Variants in KIAA1549L observed in about 807,000 individuals in gnomAD.
KIAA1549L encodes UPF0606 protein KIAA1549L.
KIAA1549L carries 88 observed loss-of-function variants against 160.7 expected under a neutral mutation model. That is an observed-to-expected ratio of 0.55 (90% CI 0.46 to 0.65). The LOEUF (loss-of-function observed/expected upper bound fraction) is 0.65, where lower values mean the gene tolerates loss of function less well. Ranked by LOEUF, KIAA1549L falls within the 30% of genes least tolerant of loss-of-function variation. The pLI is 0.00. For missense variants in KIAA1549L, 2,258 were observed against 2,437.5 expected (o/e 0.93, Z 1.55); for synonymous variants, 950 against 976.7 (o/e 0.97, Z 0.51).
intron 18 of KIAA1549L, 88 bp from the exon 19 acceptor site, chr11:33,658,662 G>T: frequency 1.5e-6 from 2 of 1,379,210 alleles, no homozygotes; most frequent in Admixed American, 2.0e-5. Context: ...AGCTGTCCAT[G>T]CCCAAAGGTG....
At chr11:33,614,561 TA>T (rs1564924819) in intron 15 of KIAA1549L, among the ~76,000 whole-genome samples, 7 of 16,652 alleles carry the variant, frequency 4.2e-4, no homozygotes, top group African/African-American at 2.3e-3. Context: ...TATATATATA[TA>T]TATATATATA....
intron 13 of KIAA1549L, 101 bp from the exon 14 acceptor site, chr11:33,606,540 G>T: frequency 8.5e-7 from 1 of 1,174,108 alleles, no homozygotes; most frequent in Non-Finnish European, 1.2e-6. Context: ...AGGTTGTTTT[G>T]AGTAAAGTAA....
At chr11:33,627,442 A>G (rs2133367964) in intron 16 of KIAA1549L, among the ~76,000 whole-genome samples, 1 of 151,998 alleles carries the variant, frequency 6.6e-6, no homozygotes, top group South Asian at 2.1e-4. Context: ...AGCTCCTGTT[A>G]TTGGTCTATT....
chr11:33,545,669 A>T (rs1854229439), intron 3 of KIAA1549L, among the ~76,000 whole-genome samples: 1 of 152,210 alleles, frequency 6.6e-6, no homozygotes, highest in South Asian at 2.1e-4. Flanking sequence ...CAAAGTTGAG[A>T]AACCATGAGC....
intron 16 of KIAA1549L, among the ~76,000 whole-genome samples, chr11:33,630,382 G>A (rs1053492975): frequency 6.6e-5 from 10 of 151,770 alleles, no homozygotes; most frequent in South Asian, 2.1e-4. Flanking sequence ...CCCCAGCCTC[G>A]CTGCCACCTT....
At chr11:33,619,102 C>A (rs1850896677) in intron 16 of KIAA1549L, among the ~76,000 whole-genome samples, 1 of 152,164 alleles carries the variant, frequency 6.6e-6, no homozygotes, top group African/African-American at 2.4e-5. Context: ...ATGAGATGTC[C>A]AACAGGGCGG....
At chr11:33,644,233 A>C (rs543807695) in intron 16 of KIAA1549L, among the ~76,000 whole-genome samples, 1 of 152,372 alleles carries the variant, frequency 6.6e-6, no homozygotes, top group African/African-American at 2.4e-5. Context: ...TCTAGGAGAT[A>C]AGATGACAAG....
chr11:33,611,000 ACAC>A (rs1850634608), intron 15 of KIAA1549L, among the ~76,000 whole-genome samples: 2 of 152,232 alleles, frequency 1.3e-5, no homozygotes. Flanking sequence ...CCACCTCCTG[ACAC>A]CACCATGACA....
chr11:33,459,603 A>T (rs971779116), intron 1 of KIAA1549L, among the ~76,000 whole-genome samples: 2 of 152,174 alleles, frequency 1.3e-5, no homozygotes, highest in Non-Finnish European at 2.9e-5. Context: ...ATGGAAAACT[A>T]ATTCTGATTC....
chr11:33,393,383 G>A (rs1278419608), intron 1 of KIAA1549L, among the ~76,000 whole-genome samples: 1 of 152,150 alleles, frequency 6.6e-6, no homozygotes, highest in Admixed American at 6.5e-5. Context: ...CATCCTTGAG[G>A]TCTCCTGGCC....
At chr11:33,441,605 T>C (rs1187394720) in intron 1 of KIAA1549L, among the ~76,000 whole-genome samples, 3 of 152,272 alleles carry the variant, frequency 2.0e-5, no homozygotes, top group South Asian at 2.1e-4. Context: ...TTTTAATGAT[T>C]GCCATTCTAA....
chr11:33,411,378 A>C (rs1424235669), intron 1 of KIAA1549L, among the ~76,000 whole-genome samples: 1 of 152,138 alleles, frequency 6.6e-6, no homozygotes. Flanking sequence ...AGACAACTGA[A>C]GCTGATCCCT....
rs756513750 is a variant in KIAA1549L at position 33,660,886 on chromosome 11, G to A, written c.6031G>A (p.Ala2011Thr). Reference protein sequence around the residue: ...YSGNTVPAVFAIPAANRPGFT... With the variant: ...YSGNTVPAVFTIPAANRPGFT... ...AGGTAATACGGTGCCAGCAGTGTTC[G>A]CCATCCCAGCTGCCAACAGACCTGG... Residue 2011 changes from alanine to threonine, a missense_variant, in exon 20 of 21, where the codon GCC becomes ACC. By Grantham distance (58) the Ala-to-Thr change is moderately conservative. This residue lies in a region of KIAA1549L where 1,359 missense variants were observed against 1,546.6 expected (regional missense o/e 0.88). Transcript: ENST00000658780. 6.6e-5 allele frequency: 106 copies of A among 1,613,540 alleles called. No individual in the cohort carries two copies. Among genetic ancestry groups the A allele is most frequent in the Non-Finnish European group, 8.4e-5 (99 of 1,179,788 alleles).
At chr11:33,530,019 T>G (rs1381218345) in intron 1 of KIAA1549L, among the ~76,000 whole-genome samples, 2 of 152,240 alleles carry the variant, frequency 1.3e-5, no homozygotes, top group East Asian at 3.9e-4. Context: ...ATTTTCTGTA[T>G]CCTCAAAGTC....
intron 16 of KIAA1549L, among the ~76,000 whole-genome samples, chr11:33,644,520 G>T (rs972471761): frequency 6.6e-6 from 1 of 152,238 alleles, no homozygotes; most frequent in Non-Finnish European, 1.5e-5. Flanking sequence ...TGATTATGAT[G>T]ATGACAGCAA....
At chr11:33,377,075 A>G (rs1001757277) in intron 1 of KIAA1549L, among the ~76,000 whole-genome samples, 186 bp downstream of exon 1, 1 of 152,194 alleles carries the variant, frequency 6.6e-6, no homozygotes, top group Non-Finnish European at 1.5e-5. Flanking sequence ...AAGAAAAAAA[A>G]AGGAGCAATC....
At chr11:33,615,281 C>T (rs952164865) in intron 15 of KIAA1549L, among the ~76,000 whole-genome samples, 1 of 152,124 alleles carries the variant, frequency 6.6e-6, no homozygotes, top group African/African-American at 2.4e-5. Context: ...CTCTGTGGAA[C>T]CCCAGGGTTC....
At chr11:33,541,504 T>C (rs950712425) in intron 1 of KIAA1549L, among the ~76,000 whole-genome samples, 1 of 152,224 alleles carries the variant, frequency 6.6e-6, no homozygotes, top group African/African-American at 2.4e-5. Context: ...TTTGCAAGTT[T>C]CACAGTCCAC....
chr11:33,454,898 G>C (rs766822918), intron 1 of KIAA1549L, among the ~76,000 whole-genome samples: 1 of 152,108 alleles, frequency 6.6e-6, no homozygotes, highest in Non-Finnish European at 1.5e-5. Flanking sequence ...GATCATCCTG[G>C]ATAACACGGT....
Sources: allele counts gnomAD v4.1 joint callset (sites outside exome capture counted in the v4.1 genomes callset), GRCh38; gene constraint gnomAD v4.1.1; regional missense constraint gnomAD v4.1.1; transcripts MANE v1.5; gene names NCBI Gene and HGNC (gene_info 2026-07-23, HGNC 2026-07-21).